NR3C2: variants seen among roughly 807,000 people sequenced by gnomAD.
NR3C2 encodes mineralocorticoid receptor.
Under a neutral mutation model 86.4 loss-of-function variants are expected in NR3C2, and 15 were observed. The observed-to-expected ratio is 0.17, with a 90% CI of 0.12 to 0.27. The LOEUF (loss-of-function observed/expected upper bound fraction) is 0.27, where lower values mean the gene tolerates loss of function less well. Among genes scored for constraint, NR3C2 ranks in the 10% least tolerant of loss-of-function variants. The pLI, the probability that NR3C2 is intolerant of heterozygous loss-of-function variation, is 1.00. For synonymous variants in NR3C2, 458 were observed against 450.5 expected (o/e 1.02, Z -0.21); for missense variants, 960 against 1,195.6 (o/e 0.80, Z 2.91).
intron 2 of NR3C2, among the ~76,000 whole-genome samples, chr4:148,427,915 C>T (rs1322932530): frequency 6.6e-6 from 1 of 152,160 alleles, no homozygotes; most frequent in African/African-American, 2.4e-5. Context: ...ACGTAACTCA[C>T]TTCACAAAAC....
rs1375693723 is a variant in NR3C2, at chr4:148,363,504, C to CTTTTTTTTTTTTTTTTTTTTTTT, written c.1757+71599_1757+71600insAAAAAAAAAAAAAAAAAAAAAAA. Among the ~76,000 whole-genome samples, 252 of 69,682 alleles carry CTTTTTTTTTTTTTTTTTTTTTTT rather than the reference C, an allele frequency of 3.6e-3. 77 individuals are homozygous for CTTTTTTTTTTTTTTTTTTTTTTT. Among genetic ancestry groups the CTTTTTTTTTTTTTTTTTTTTTTT allele is most frequent in the South Asian group, 7.9e-3 (11 of 1,390 alleles). 45.7% of individuals were successfully genotyped at this position (69,682 alleles called of 152,430 possible). A position where few individuals can be genotyped will look rare whatever the true frequency, so the allele number is the denominator to read the frequency against. On this transcript the variant is annotated intron_variant, in intron 2 of 8. Transcript: ENST00000358102. ...ATTAAAGTCTAGACTTCTCATAGATCTCTTTTTTTTTTTTTTTGAGACGGA... is the reference window on the plus strand; with the variant it reads ...ATTAAAGTCTAGACTTCTCATAGATCTTTTTTTTTTTTTTTTTTTTTTTTCTTTTTTTTTTTTTTTGAGACGGA...
chr4:148,396,887 T>C (rs950512653), intron 2 of NR3C2, among the ~76,000 whole-genome samples: 2 of 152,230 alleles, frequency 1.3e-5, no homozygotes, highest in African/African-American at 4.8e-5. Context: ...TCCCTACTTC[T>C]GCATATAAAG....
At chr4:148,218,094 T>C (rs1737637807) in intron 3 of NR3C2, among the ~76,000 whole-genome samples, 1 of 152,196 alleles carries the variant, frequency 6.6e-6, no homozygotes, top group Non-Finnish European at 1.5e-5. Flanking sequence ...GTTACCAACA[T>C]TTGATTTCAA....
intron 2 of NR3C2, among the ~76,000 whole-genome samples, chr4:148,362,132 C>T (rs983493982): frequency 6.6e-6 from 1 of 152,232 alleles, no homozygotes; most frequent in Admixed American, 6.5e-5. Context: ...AGCCACCACA[C>T]CCAGCCCCTA....
At chr4:148,443,729 C>A (rs1319723801), upstream of NR3C2, among the ~76,000 whole-genome samples, 1 of 152,162 alleles carries the variant, frequency 6.6e-6, no homozygotes, top group Non-Finnish European at 1.5e-5. Context: ...AGCCCGGCGG[C>A]GGCAGCTGTG....
chr4:148,342,938 C>T (rs561788280), intron 2 of NR3C2, among the ~76,000 whole-genome samples: 3 of 151,758 alleles, frequency 2.0e-5, no homozygotes, highest in African/African-American at 7.2e-5. Flanking sequence ...GCAACTACTT[C>T]AGATATAAAG....
intron 2 of NR3C2, among the ~76,000 whole-genome samples, chr4:148,277,306 C>A (rs77295069): frequency 8.5e-4 from 130 of 152,306 alleles, no homozygotes; most frequent in African/African-American, 3.1e-3. Context: ...ATTAAAACAA[C>A]ATGAATCATT....
intron 2 of NR3C2, among the ~76,000 whole-genome samples, chr4:148,276,418 G>GA (rs1287760097): frequency 2.0e-5 from 3 of 152,050 alleles, no homozygotes; most frequent in Admixed American, 6.6e-5. Flanking sequence ...ATACACTAAT[G>GA]AAAGACCAAA....
At chr4:148,144,844 G>A (rs1413322047) in intron 6 of NR3C2, among the ~76,000 whole-genome samples, 1 of 152,200 alleles carries the variant, frequency 6.6e-6, no homozygotes, top group African/African-American at 2.4e-5. Context: ...TTCTACTTAT[G>A]ACGTTGCTTT....
intron 2 of NR3C2, among the ~76,000 whole-genome samples, chr4:148,367,053 C>A (rs1746182998): frequency 6.6e-6 from 1 of 152,136 alleles, no homozygotes; most frequent in Non-Finnish European, 1.5e-5. Flanking sequence ...GTGTGTTACA[C>A]TCTATAAACC....
In NR3C2 at chr4:148,436,143, T is replaced by C. The variant is rs755206512; in HGVS notation, c.718A>G (p.Asn240Asp). 9.9e-6 allele frequency: 16 copies of C among 1,614,016 alleles called. No individual in the cohort carries two copies. The Admixed American group carries it at 2.5e-4, about 25-fold the overall frequency. ...GACCTGGAGCCTCGATTTTCAACAT[T>C]AGGGGAGCATGTCAGAGGAGTTCCC... is the stretch of plus-strand genomic sequence containing the variant. ...TQGTPLTCSPNVENRGSRSHS... is the reference protein window; with the variant it reads ...TQGTPLTCSPDVENRGSRSHS... Residue 240 changes from asparagine (N) to aspartate (D), a missense_variant, in exon 2 of 9, where the codon AAT (asparagine) becomes GAT (aspartate). By Grantham distance (23) the Asn-to-Asp change is conservative (BLOSUM62 1). Transcript: ENST00000358102.
At chr4:148,299,280 C>T (rs551455243) in intron 2 of NR3C2, among the ~76,000 whole-genome samples, 1 of 152,046 alleles carries the variant, frequency 6.6e-6, no homozygotes, top group Non-Finnish European at 1.5e-5. Flanking sequence ...AAGTAAAATG[C>T]AGAACAAAAA....
intron 4 of NR3C2, among the ~76,000 whole-genome samples, chr4:148,179,232 T>G (rs1255088979): frequency 6.6e-6 from 1 of 151,468 alleles, no homozygotes. Flanking sequence ...AACTGTGTAT[T>G]GAGGATGCTA....
intron 8 of NR3C2, among the ~76,000 whole-genome samples, chr4:148,086,556 G>T (rs1578865355): frequency 6.6e-6 from 1 of 152,104 alleles, no homozygotes; most frequent in East Asian, 1.9e-4. Context: ...CTAAAATGGT[G>T]AAACCCTGTC....
rs74385771 is a variant in NR3C2 at position 148,394,796 on chromosome 4, G to T, written c.1757+40308C>A. Among the ~76,000 whole-genome samples the T allele has an allele frequency of 3.6e-3, 546 of 152,320 alleles. 2 individuals are homozygous for T. Among genetic ancestry groups the T allele is most frequent in the Non-Finnish European group, 6.6e-3 (452 of 68,022 alleles). The stretch of plus-strand genomic sequence containing the variant: ...TGGGGAAAGAACAGTTTATTGTGGT[G>T]AAATAATTGGTAACATTTTTGCCTG... On this transcript the variant is annotated intron_variant, in intron 2 of 8. Transcript: ENST00000358102.
chr4:148,149,753 T>C (rs1011308039), intron 6 of NR3C2, among the ~76,000 whole-genome samples: 1 of 152,152 alleles, frequency 6.6e-6, no homozygotes, highest in Non-Finnish European at 1.5e-5. Flanking sequence ...AGAACTTACA[T>C]GAACAGTTCT....
chr4:148,318,786 A>T (rs1743376057), intron 2 of NR3C2, among the ~76,000 whole-genome samples: 1 of 152,194 alleles, frequency 6.6e-6, no homozygotes, highest in Admixed American at 6.5e-5. Flanking sequence ...GTCCTTTGTC[A>T]GATGAGTAGG....
intron 2 of NR3C2, among the ~76,000 whole-genome samples, chr4:148,309,548 T>C (rs1331784032): frequency 6.7e-6 from 1 of 148,396 alleles, no homozygotes; most frequent in Non-Finnish European, 1.5e-5. Context: ...GGATAAAAGA[T>C]GCAGTGTTTT....
intron 2 of NR3C2, among the ~76,000 whole-genome samples, chr4:148,382,853 C>G (rs185286400): frequency 2.6e-5 from 4 of 151,994 alleles, no homozygotes; most frequent in Non-Finnish European, 5.9e-5. Context: ...CAGGATCTCA[C>G]GAAGGAAGCT....
Sources: gnomAD v4.1 joint callset for allele counts (sites outside exome capture counted in the v4.1 genomes callset) on GRCh38, gnomAD v4.1.1 for gene constraint, MANE v1.5 for transcripts, NCBI Gene and HGNC (gene_info 2026-07-23, HGNC 2026-07-21) for gene names.